The following MEMO1 variants were observed in gnomAD, a reference collection of about 807,000 sequenced individuals.
MEMO1 encodes mediator of cell motility 1.
MEMO1 carries 6 observed loss-of-function variants against 45.2 expected under a neutral mutation model. The observed-to-expected ratio is 0.13, with a 90% CI of 0.07 to 0.26. The LOEUF is 0.26. MEMO1 is among the 10% of genes least tolerant of loss of function. MEMO1 has a pLI of 1.00. For synonymous variants in MEMO1, 78 were observed against 124.3 expected (o/e 0.63, Z 2.48); for missense variants, 184 against 370.5 (o/e 0.50, Z 4.13).
chr2:32,003,111 ACT>A (rs1248717808), intron 2 of MEMO1, among the ~76,000 whole-genome samples: 2 of 152,046 alleles, frequency 1.3e-5, no homozygotes, highest in Non-Finnish European at 2.9e-5. Flanking sequence ...TTATTTTGAC[ACT>A]CTATCTTTTT....
intron 2 of MEMO1, among the ~76,000 whole-genome samples, chr2:31,959,287 C>A (rs533830479): frequency 6.6e-6 from 1 of 152,098 alleles, no homozygotes; most frequent in East Asian, 1.9e-4. Flanking sequence ...CGTGGACTGA[C>A]TGATGATGAT....
At chr2:31,871,956 G>A (rs1558466866) in intron 8 of MEMO1, among the ~76,000 whole-genome samples, 1 of 150,512 alleles carries the variant, frequency 6.6e-6, no homozygotes, top group Non-Finnish European at 1.5e-5. Context: ...AGAGGTTGCA[G>A]TGACCCGAGA....
chr2:31,970,923 G>A (rs1057356200), intron 2 of MEMO1, among the ~76,000 whole-genome samples: 8 of 152,182 alleles, frequency 5.3e-5, no homozygotes, highest in African/African-American at 1.9e-4. Context: ...AAAATCACTT[G>A]AACCCAGAAG....
rs973406244 is a variant in MEMO1 at position 32,010,144 on chromosome 2, AGGCGGCGAC to A, written c.61+34_61+42del. ...ACCTCGGCCGGCCGGGCGTGGGGCC[AGGCGGCGAC>A]GGCGGCGGGCGGGCCGGCGGCCTGG... is the stretch of plus-strand genomic sequence containing the variant. On this transcript the variant is annotated intron_variant, in intron 2 of 9. Coordinates refer to ENST00000404530, the MANE Select transcript of MEMO1 (RefSeq NM_001301833.4). The A allele has an allele frequency of 5.3e-6, 6 of 1,130,418 alleles. No homozygotes were observed. The African/African-American group carries it at 8.3e-5, about 16-fold the overall frequency. The allele number at this position is 1,130,418 out of a possible 1,614,324, so 70.0% of individuals were successfully genotyped here.
At chr2:31,895,034 A>T (rs1289435610) in intron 6 of MEMO1, among the ~76,000 whole-genome samples, 2 of 152,196 alleles carry the variant, frequency 1.3e-5, no homozygotes, top group Admixed American at 1.3e-4. Flanking sequence ...AAAAATTAAG[A>T]AGTTTTAAAA....
chr2:32,008,521 T>C (rs1240358277), intron 2 of MEMO1, among the ~76,000 whole-genome samples: 3 of 151,958 alleles, frequency 2.0e-5, no homozygotes, highest in African/African-American at 7.3e-5. Context: ...GAGGCGGAGG[T>C]TGCAATGAGT....
At chr2:32,009,953 G>A (rs1022698366) in intron 2 of MEMO1, among the ~76,000 whole-genome samples, 2 of 151,418 alleles carry the variant, frequency 1.3e-5, no homozygotes, top group African/African-American at 4.8e-5. Context: ...CAACTCCGGA[G>A]AGCGTGAGGC....
At chr2:31,938,303 GTTTA>G (rs1225064169) in intron 3 of MEMO1, among the ~76,000 whole-genome samples, 2 of 151,744 alleles carry the variant, frequency 1.3e-5, no homozygotes, top group Non-Finnish European at 1.5e-5. Context: ...CAGGTTCTGA[GTTTA>G]TTTAAGGTTT....
chr2:31,882,408 A>C (rs145040176), intron 8 of MEMO1, among the ~76,000 whole-genome samples: 35 of 152,244 alleles, frequency 2.3e-4, no homozygotes, highest in Non-Finnish European at 4.6e-4. Flanking sequence ...GATATATAAC[A>C]ATCTGATTTA....
chr2:31,869,736 G>T, intron 9 of MEMO1, 112 bp downstream of exon 9: 1 of 1,157,324 alleles, frequency 8.6e-7, no homozygotes, highest in Non-Finnish European at 1.2e-6. Context: ...ATACTAAAAA[G>T]AAACTTGACC....
chr2:31,924,864 T>C (rs1682853554), intron 4 of MEMO1, among the ~76,000 whole-genome samples: 1 of 152,168 alleles, frequency 6.6e-6, no homozygotes, highest in Admixed American at 6.5e-5. Flanking sequence ...ACTACCAATA[T>C]GGAAAAGAAC....
chr2:31,890,188 G>T (rs1225575838), intron 7 of MEMO1, among the ~76,000 whole-genome samples: 1 of 152,126 alleles, frequency 6.6e-6, no homozygotes, highest in African/African-American at 2.4e-5. Flanking sequence ...GACGTTTTAT[G>T]TGAATTTATG....
intron 6 of MEMO1, among the ~76,000 whole-genome samples, chr2:31,896,450 A>G (rs1677828509): frequency 1.3e-5 from 2 of 152,190 alleles, no homozygotes; most frequent in Non-Finnish European, 2.9e-5. Context: ...GTAGAGAAAA[A>G]GCAGGCATAG....
At chr2:31,944,256 G>A (rs1051935501) in intron 2 of MEMO1, among the ~76,000 whole-genome samples, 1 of 152,294 alleles carries the variant, frequency 6.6e-6, no homozygotes, top group African/African-American at 2.4e-5. Context: ...CATTAACGTA[G>A]TGAATCTGCT....
intron 2 of MEMO1, among the ~76,000 whole-genome samples, chr2:32,008,546 T>G (rs1457608451): frequency 6.6e-6 from 1 of 152,026 alleles, no homozygotes; most frequent in African/African-American, 2.4e-5. Flanking sequence ...ATCGAGCCAT[T>G]GCACTCCAGC....
In MEMO1 at chr2:31,984,025, ATAAGT is replaced by A. The variant is rs556468948; in HGVS notation, c.61+26157_61+26161del. The stretch of plus-strand genomic sequence containing the variant: ...TATACATGAGTCCATACGGATATAA[ATAAGT>A]TGAGTGGGGGAGGGGCAGAGACAAA... On this transcript the variant is annotated intron_variant, in intron 2 of 9. Transcript: ENST00000404530. 2.7e-3 allele frequency among the ~76,000 whole-genome samples: 411 copies of A among 152,364 alleles called. 1 individual carries two copies. The highest frequency in any genetic ancestry group is 7.2e-3 in the Admixed American group (110 of 15,306).
rs567533127 is a variant in MEMO1, at chr2:31,880,881, G to A, written c.657+2505C>T. On this transcript the variant is annotated intron_variant, in intron 8 of 9. Transcript: ENST00000404530. ...AAAATAAAAATAAAAATAATTAGCC[G>A]GGCGTGGTGGTAAATGTCTATAGTC... is the stretch of plus-strand genomic sequence containing the variant. Among the ~76,000 whole-genome samples the A allele has an allele frequency of 3.9e-4, 59 of 151,722 alleles. 1 individual carries two copies. The highest frequency in any genetic ancestry group is 2.9e-3 in the Admixed American group (44 of 15,222).
At chr2:31,944,348 T>G (rs1665955247) in intron 2 of MEMO1, among the ~76,000 whole-genome samples, 1 of 152,300 alleles carries the variant, frequency 6.6e-6, no homozygotes, top group South Asian at 2.1e-4. Flanking sequence ...CCCTTATCAC[T>G]TCCAGAAGAT....
intron 6 of MEMO1, among the ~76,000 whole-genome samples, chr2:31,895,349 T>G (rs1677602223): frequency 6.6e-6 from 1 of 152,190 alleles, no homozygotes; most frequent in Non-Finnish European, 1.5e-5. Flanking sequence ...AGTTATTATA[T>G]ATTCAAAGAA....
Sources: allele counts gnomAD v4.1 joint callset (sites outside exome capture counted in the v4.1 genomes callset), GRCh38; gene constraint gnomAD v4.1.1; transcripts MANE v1.5; gene names NCBI Gene and HGNC (gene_info 2026-07-23, HGNC 2026-07-21).